Variants in MED8 observed in about 807,000 individuals in gnomAD.
MED8 encodes the protein mediator complex subunit 8, also known as mediator of RNA polymerase II transcription subunit 8.
A neutral mutation model predicts 34.8 loss-of-function variants in MED8; 22 were observed. That is an observed-to-expected ratio of 0.63 (90% confidence interval 0.45 to 0.90). MED8 has a LOEUF of 0.90. MED8 is among the 40% of genes least tolerant of loss of function. The pLI is 0.00. For synonymous variants in MED8, 105 were observed against 120.2 expected (o/e 0.87, Z 0.83); for missense variants, 260 against 326.3 (o/e 0.80, Z 1.57).
intron 2 of MED8, 145 bp from the exon 3 acceptor site, chr1:43,387,792 A>T: frequency 1.2e-6 from 1 of 816,680 alleles, no homozygotes; most frequent in Non-Finnish European, 2.0e-6. Flanking sequence ...GTGGGAACAG[A>T]CTAACAGGGA....
Position 43,389,798 on chromosome 1 carries a change from T to G in MED8, c.-34A>C. 6.2e-7 allele frequency: 1 copy of G among 1,609,788 alleles called. No individual in the cohort carries two copies. Among genetic ancestry groups the G allele is most frequent in the Non-Finnish European group, 8.5e-7 (1 of 1,178,114 alleles). On this transcript the variant is annotated 5_prime_UTR_variant, in exon 1 of 7. Transcript: ENST00000372457. ...CCGAGGCGGCTGCCACGATTTCACT[T>G]CCGGTTTTCCAGTCAGCAAACGCCT...
chr1:43,386,224 G>T lies in MED8; in HGVS notation c.496C>A (p.Leu166Ile). ...TTAAAGGTCTGCTTGTTCGGCCGGA[G>T]ACCTGAAGAAAAAGTAATGGGGATC... is the stretch of plus-strand genomic sequence containing the variant. Reference protein sequence around the residue: ...KEERESESGGLRPNKQTFNPT... With the variant: ...KEERESESGGIRPNKQTFNPT... Residue 166 changes from leucine to isoleucine, a missense_variant and splice_region_variant, in exon 6 of 7, where the codon CTC becomes ATC. Transcript: ENST00000372457. The surrounding 1 kb of genome is among the most constrained non-coding windows in gnomAD (Gnocchi z 4.9). 1.2e-6 allele frequency: 2 copies of T among 1,611,932 alleles called. No individual in the cohort carries two copies. The highest frequency in any genetic ancestry group is 2.2e-5 in the South Asian group (2 of 91,002).
At chr1:43,388,633 C>T in intron 1 of MED8, 1 of 725,654 alleles carries the variant, frequency 1.4e-6, no homozygotes, top group Non-Finnish European at 2.1e-6. Context: ...TTTGCCTGAC[C>T]CCAAGTCCTT....
Position 43,386,767 on chromosome 1 carries a change from C to G in MED8, c.411+91G>C. On this transcript the variant is annotated intron_variant, in intron 4 of 6. Coordinates refer to ENST00000372457, the MANE Select transcript of MED8 (RefSeq NM_201542.5). The surrounding 1 kb of genome is among the most constrained non-coding windows in gnomAD (Gnocchi z 4.9). ...CTGCCAGAAGCAACTTAGGCGCAAC[C>G]AACTATGTATCCCTACTAGACAGGA... 6.2e-7 allele frequency: 1 copy of G among 1,600,132 alleles called. No individual in the cohort carries two copies. The highest frequency in any genetic ancestry group is 8.5e-7 in the Non-Finnish European group (1 of 1,172,294).
rs1428749886 is a variant in MED8 at position 43,385,061 on chromosome 1, A to C, written c.788T>G (p.Met263Arg). The change falls in exon 7 of 7, where the codon ATG becomes AGG. Residue 263 changes from methionine (M) to arginine (R), a missense_variant. Physicochemically the swap from Met to Arg is moderately conservative, Grantham distance 91 (BLOSUM62 -1). Coordinates refer to ENST00000372457, the MANE Select transcript of MED8 (RefSeq NM_201542.5). ...GIKTNIKSAS[M>R]HPYQR ...CCACACTCACCGCTGGTAGGGATGCATGGAAGCCGACTTGATGTTGGTTTT... is the reference window on the plus strand; with the variant it reads ...CCACACTCACCGCTGGTAGGGATGCCTGGAAGCCGACTTGATGTTGGTTTT... 6.4e-7 allele frequency: 1 copy of C among 1,557,498 alleles called. No individual in the cohort carries two copies. Among genetic ancestry groups the C allele is most frequent in the South Asian group, 1.2e-5 (1 of 84,354 alleles).
chr1:43,387,110 C>A, intron 3 of MED8, 112 bp from the exon 4 acceptor site: 1 of 1,367,998 alleles, frequency 7.3e-7, no homozygotes, highest in South Asian at 1.3e-5. Flanking sequence ...AAAATACAAC[C>A]TGAGACATAA....
At position 43,386,738 on chromosome 1, in the gene MED8, G is replaced by T; in HGVS notation, c.412-68C>A. 1 of 1,589,170 alleles carries T rather than the reference G, an allele frequency of 6.3e-7. No individual in the cohort carries two copies. The highest frequency in any genetic ancestry group is 8.6e-7 in the Non-Finnish European group (1 of 1,166,298). ...ACGATATGGAGAAATTTATTCCTTG[G>T]GTTCTGCCAGAAGCAACTTAGGCGC... is the stretch of plus-strand genomic sequence containing the variant. On this transcript the variant is annotated intron_variant, in intron 4 of 6. Coordinates refer to ENST00000372457, the MANE Select transcript of MED8 (RefSeq NM_201542.5). The surrounding 1 kb of genome is among the most constrained non-coding windows in gnomAD (Gnocchi z 4.9).
At chr1:43,388,260 T>A in intron 2 of MED8, 50 bp downstream of exon 2, 1 of 1,573,326 alleles carries the variant, frequency 6.4e-7, no homozygotes, top group South Asian at 1.1e-5. Flanking sequence ...ATCAGGAGGC[T>A]AGGCCCCCCC....
intron 3 of MED8, 29 bp from the exon 4 acceptor site, chr1:43,387,027 C>T (rs1470999187): frequency 6.2e-7 from 1 of 1,610,364 alleles, no homozygotes; most frequent in Non-Finnish European, 8.5e-7. Flanking sequence ...ATTGATCCTA[C>T]TCTGTACTCC....
At chr1:43,385,893 A>C in intron 6 of MED8, 85 bp downstream of exon 6, 3 of 1,570,952 alleles carry the variant, frequency 1.9e-6, no homozygotes, top group Non-Finnish European at 1.7e-6. Flanking sequence ...CTCTAGGTCT[A>C]GAGATGCTGG....
rs1031538645 is a variant in MED8, at chr1:43,384,369, G to C, written c.*673C>G. ...CCTCGTGTGTATAAGGTGGGGTAAA[G>C]GATAGGGGACTTTATGACTATTTGA... On this transcript the variant is annotated 3_prime_UTR_variant, in exon 7 of 7. Transcript: ENST00000372457. The C allele has an allele frequency of 1.5e-5, 22 of 1,501,226 alleles. No individual in the cohort carries two copies. The highest frequency in any genetic ancestry group is 1.7e-4 in the Middle Eastern group (1 of 5,750). 93.0% of individuals were successfully genotyped at this position (1,501,226 alleles called of 1,614,324 possible). A position where few individuals can be genotyped will look rare whatever the true frequency, so the allele number is the denominator to read the frequency against.
At chr1:43,385,210 A>C in intron 6 of MED8, 104 bp from the exon 7 acceptor site, 287 of 1,403,262 alleles carry the variant, frequency 2.0e-4, no homozygotes, top group Non-Finnish European at 2.5e-4. Context: ...TTATCATCTC[A>C]GAACCTCTGC....
rs1647677854 is a variant in MED8 at position 43,385,024 on chromosome 1, C to T, written c.*18G>A. 10 of 1,553,678 alleles carry T rather than the reference C, an allele frequency of 6.4e-6. No homozygotes were observed. The highest frequency in any genetic ancestry group is 2.4e-5 in the East Asian group (1 of 41,136). On this transcript the variant is annotated 3_prime_UTR_variant, in exon 7 of 7. Coordinates refer to ENST00000372457, the MANE Select transcript of MED8 (RefSeq NM_201542.5). ...AACTCTGCAAAGAGCACCAGGGAGT[C>T]GAGGTTGCCAGCCACACTCACCGCT...
rs1022428720 is a variant in MED8 at position 43,386,872 on chromosome 1, C to A, written c.397G>T (p.Ala133Ser). The A allele has an allele frequency of 3.7e-6, 6 of 1,613,976 alleles. No individual in the cohort carries two copies. The highest frequency in any genetic ancestry group is 5.1e-6 in the Non-Finnish European group (6 of 1,179,866). Residue 133 changes from alanine to serine, a missense_variant, in exon 4 of 7, where the codon GCA (alanine) becomes TCA (serine). Coordinates refer to ENST00000372457, the MANE Select transcript of MED8 (RefSeq NM_201542.5). This position sits in a 1 kb window ranked among gnomAD's most constrained non-coding sequence, Gnocchi z 4.9. The stretch of plus-strand genomic sequence containing the variant: ...CTCAGTCCAACCTGGGCTGCATCTG[C>A]ACCAATGCGGGCAGCATCTGTCGTC... Reference protein sequence around the residue: ...QLTTDAARIGADAAQKQIQSL... With the variant: ...QLTTDAARIGSDAAQKQIQSL...
intron 6 of MED8, 168 bp downstream of exon 6, chr1:43,385,810 A>G: frequency 9.7e-7 from 1 of 1,034,642 alleles, no homozygotes; most frequent in Non-Finnish European, 1.4e-6. Flanking sequence ...CCTGTTGCAG[A>G]GTCTCAGATG....
intron 1 of MED8, 89 bp from the exon 2 acceptor site, chr1:43,388,517 C>T (rs1647860980): frequency 1.9e-6 from 3 of 1,558,732 alleles, no homozygotes; most frequent in Admixed American, 3.7e-5. Context: ...TGGTGTGCAA[C>T]ACCAGTCAGG....
rs1647633867 is a variant in MED8, at chr1:43,384,035, T to A, written c.*1007A>T. 1 of 157,074 alleles carries A rather than the reference T, an allele frequency of 6.4e-6. No individual in the cohort carries two copies. Among genetic ancestry groups the A allele is most frequent in the South Asian group, 2.0e-4 (1 of 5,096 alleles). The allele number at this position is 157,074 out of a possible 1,614,324, so 9.7% of individuals were successfully genotyped here. A position where few individuals can be genotyped will look rare whatever the true frequency, so the allele number is the denominator to read the frequency against. On this transcript the variant is annotated 3_prime_UTR_variant, in exon 7 of 7. Coordinates refer to ENST00000372457, the MANE Select transcript of MED8 (RefSeq NM_201542.5). The stretch of plus-strand genomic sequence containing the variant: ...GGTTAGCCTGAATGTCTAAATTCAA[T>A]TTGTTCAACTTTATAAAAGCAGGCA...
chr1:43,386,845 G>C lies in MED8; in HGVS notation c.411+13C>G, dbSNP rs776321623. The C allele has an allele frequency of 6.2e-7, 1 of 1,613,794 alleles. No individual in the cohort carries two copies. Among genetic ancestry groups the C allele is most frequent in the South Asian group, 1.1e-5 (1 of 91,032 alleles). Reference sequence around the variant, plus strand: ...GATGGGGATGGGGCAGCAAGGCAGTGACTCAGTCCAACCTGGGCTGCATCT... The same window carrying C: ...GATGGGGATGGGGCAGCAAGGCAGTCACTCAGTCCAACCTGGGCTGCATCT... On this transcript the variant is annotated intron_variant, in intron 4 of 6. Transcript: ENST00000372457. The surrounding 1 kb of genome is among the most constrained non-coding windows in gnomAD (Gnocchi z 4.9).
chr1:43,386,338 C>A lies in MED8; in HGVS notation c.494-112G>T. 7.4e-7 allele frequency: 1 copy of A among 1,347,422 alleles called. No homozygotes were observed. Among genetic ancestry groups the A allele is most frequent in the South Asian group, 1.4e-5 (1 of 69,138 alleles). The allele number at this position is 1,347,422 out of a possible 1,614,324, so 83.5% of individuals were successfully genotyped here. A position where few individuals can be genotyped will look rare whatever the true frequency, so the allele number is the denominator to read the frequency against. On this transcript the variant is annotated intron_variant, in intron 5 of 6. Transcript: ENST00000372457. The surrounding 1 kb of genome is among the most constrained non-coding windows in gnomAD (Gnocchi z 4.9). ...TTTGGAGTTCTGAATTCAGCAACAT[C>A]TAGACTCCCTCACAGCCCAGAAAAA... is the stretch of plus-strand genomic sequence containing the variant.
Sources: gnomAD v4.1 joint callset for allele counts on GRCh38, gnomAD v4.1.1 for gene constraint, Gnocchi (gnomAD v3.1) non-coding constraint, MANE v1.5 for transcripts, NCBI Gene and HGNC (gene_info 2026-07-23, HGNC 2026-07-21) for gene names.